Variants in LRRC4C observed in about 807,000 individuals in gnomAD.
The protein encoded by LRRC4C is leucine rich repeat containing 4C.
Under a neutral mutation model 33.6 loss-of-function variants are expected in LRRC4C, and 5 were observed. The ratio of observed to expected loss-of-function variants is 0.15; its 90% confidence interval spans 0.08 to 0.31. The LOEUF (loss-of-function observed/expected upper bound fraction) is 0.31, where lower values mean the gene tolerates loss of function less well. Ranked by LOEUF, LRRC4C falls within the 10% of genes least tolerant of loss-of-function variation. The probability of loss-of-function intolerance (pLI) is 1.00; values close to 1 mark genes in which losing one functional copy is unlikely to be tolerated. For synonymous variants in LRRC4C, 329 were observed against 302.0 expected, an observed-to-expected ratio of 1.09 and a Z score of -0.93; for missense variants, 560 against 796.7, an observed-to-expected ratio of 0.70 and a Z score of 3.58.
chr11:41,023,793 T>C (rs539348813), intron 1 of LRRC4C, among the ~76,000 whole-genome samples: 3 of 151,876 alleles, frequency 2.0e-5, no homozygotes, highest in Admixed American at 2.0e-4. Flanking sequence ...TGTACTTATC[T>C]TGAGGACTAC....
At chr11:41,082,992 C>T (rs1939692225) in intron 1 of LRRC4C, among the ~76,000 whole-genome samples, 1 of 152,074 alleles carries the variant, frequency 6.6e-6, no homozygotes, top group Admixed American at 6.6e-5. Context: ...GAAATGTCCA[C>T]GCTTCCTGTC....
At chr11:40,618,146 T>C (rs1251723716) in intron 3 of LRRC4C, among the ~76,000 whole-genome samples, 1 of 151,656 alleles carries the variant, frequency 6.6e-6, no homozygotes, top group Non-Finnish European at 1.5e-5. Context: ...TATTTGGAAA[T>C]AGGGACTTTG....
chr11:40,301,605 G>A (rs985325468), intron 4 of LRRC4C, among the ~76,000 whole-genome samples: 2 of 151,766 alleles, frequency 1.3e-5, no homozygotes, highest in Non-Finnish European at 2.9e-5. Context: ...TTTCCCCACC[G>A]CATTACTATT....
intron 2 of LRRC4C, among the ~76,000 whole-genome samples, chr11:40,903,050 T>C (rs1385566898): frequency 1.3e-5 from 2 of 152,146 alleles, no homozygotes; most frequent in Non-Finnish European, 2.9e-5. Flanking sequence ...TCTAGGACTT[T>C]CACAGCTAGA....
intron 2 of LRRC4C, among the ~76,000 whole-genome samples, chr11:40,794,555 A>G (rs1950751531): frequency 1.3e-5 from 2 of 152,258 alleles, no homozygotes; most frequent in East Asian, 1.9e-4. Flanking sequence ...CTTGGATACA[A>G]TGGAGGGTAG....
At chr11:40,641,442 A>G (rs1425272019) in intron 3 of LRRC4C, among the ~76,000 whole-genome samples, 1 of 152,198 alleles carries the variant, frequency 6.6e-6, no homozygotes, top group African/African-American at 2.4e-5. Context: ...GGCACTCATG[A>G]AAAGCTTTTC....
intron 5 of LRRC4C, among the ~76,000 whole-genome samples, chr11:40,227,485 T>C (rs1864893064): frequency 6.6e-6 from 1 of 152,166 alleles, no homozygotes; most frequent in Non-Finnish European, 1.5e-5. Flanking sequence ...TTTATGTATG[T>C]ATCTGGTTCA....
chr11:40,547,381 G>A (rs1446683237), intron 3 of LRRC4C, among the ~76,000 whole-genome samples: 1 of 151,940 alleles, frequency 6.6e-6, no homozygotes, highest in African/African-American at 2.4e-5. Context: ...TTATTTTAAT[G>A]CCTCCTATTG....
chr11:40,634,862 A>C (rs1009593684), intron 3 of LRRC4C, among the ~76,000 whole-genome samples: 1 of 152,074 alleles, frequency 6.6e-6, no homozygotes, highest in Non-Finnish European at 1.5e-5. Flanking sequence ...TGTTCTCCTG[A>C]CTGGGCAACA....
chr11:40,698,735 C>T (rs926478859), intron 2 of LRRC4C, among the ~76,000 whole-genome samples: 7 of 152,120 alleles, frequency 4.6e-5, no homozygotes, highest in Admixed American at 6.6e-5. Flanking sequence ...CATAGTTCCA[C>T]GTGGCTGGGG....
chr11:40,209,083 CAT>C (rs1449926576), intron 5 of LRRC4C, among the ~76,000 whole-genome samples: 1 of 151,936 alleles, frequency 6.6e-6, no homozygotes, highest in Non-Finnish European at 1.5e-5. Flanking sequence ...TTACAAAGGA[CAT>C]GTGAAAATGA....
In LRRC4C at chr11:41,099,269, C is replaced by T. The variant is rs892382789; in HGVS notation, c.-495-165546G>A. ...ATTCAACCAGATATACAAAGAATAG[C>T]TGATACCATTCCGACTGAAACTATT... On this transcript the variant is annotated intron_variant, in intron 1 of 6. Coordinates refer to ENST00000528697, the MANE Select transcript of LRRC4C (RefSeq NM_001258419.2). 2.0e-5 allele frequency among the ~76,000 whole-genome samples: 3 copies of T among 151,874 alleles called. 1 individual carries two copies. Among genetic ancestry groups the T allele is most frequent in the African/African-American group, 7.3e-5 (3 of 41,334 alleles).
chr11:40,274,424 T>TACACACAC (rs56027023), intron 4 of LRRC4C, among the ~76,000 whole-genome samples: 12,481 of 138,840 alleles, frequency 0.09, 657 homozygotes, highest in Non-Finnish European at 0.1. Flanking sequence ...GACACACACA[T>TACACACAC]ACACACACAC....
At chr11:41,281,146 T>C (rs1428747634) in intron 1 of LRRC4C, among the ~76,000 whole-genome samples, 1 of 141,428 alleles carries the variant, frequency 7.1e-6, no homozygotes, top group Non-Finnish European at 1.5e-5. Context: ...AGGAACATTC[T>C]TCCTGGGAAT....
At chr11:41,351,735 A>T (rs114318612) in intron 1 of LRRC4C, among the ~76,000 whole-genome samples, 1,758 of 152,328 alleles carry the variant, frequency 0.012, 39 homozygotes, top group African/African-American at 0.04. Flanking sequence ...AAATGCATTA[A>T]AAATAAATTT....
intron 3 of LRRC4C, among the ~76,000 whole-genome samples, chr11:40,618,300 C>CT (rs1349320521): frequency 6.6e-6 from 1 of 151,538 alleles, no homozygotes; most frequent in Non-Finnish European, 1.5e-5. Context: ...GAGGCAGAGA[C>CT]TGGAGTGATG....
intron 1 of LRRC4C, among the ~76,000 whole-genome samples, chr11:41,249,228 A>G (rs1948557275): frequency 6.6e-6 from 1 of 151,686 alleles, no homozygotes; most frequent in Admixed American, 6.6e-5. Context: ...TAGAGACGGG[A>G]TTTCACCATG....
chr11:41,276,215 T>C (rs528267554), intron 1 of LRRC4C, among the ~76,000 whole-genome samples: 1 of 152,264 alleles, frequency 6.6e-6, no homozygotes, highest in South Asian at 2.1e-4. Flanking sequence ...AAATATTGTC[T>C]GTATAAGAAG....
chr11:40,634,609 C>T (rs1258821094), intron 3 of LRRC4C, among the ~76,000 whole-genome samples: 1 of 152,106 alleles, frequency 6.6e-6, no homozygotes, highest in Admixed American at 6.5e-5. Flanking sequence ...GTGTCTCACA[C>T]CTGTAATCCT....
Sources: allele counts gnomAD v4.1 joint callset (sites outside exome capture counted in the v4.1 genomes callset), GRCh38; gene constraint gnomAD v4.1.1; transcripts MANE v1.5; gene names NCBI Gene and HGNC (gene_info 2026-07-23, HGNC 2026-07-21).